The following NELL1 variants were observed in gnomAD, a reference collection of about 807,000 sequenced individuals.
NELL1 encodes the protein protein kinase C-binding protein NELL1.
A neutral mutation model predicts 107.4 loss-of-function variants in NELL1; 76 were observed. The ratio of observed to expected loss-of-function variants is 0.71; its 90% CI spans 0.59 to 0.86. The LOEUF (loss-of-function observed/expected upper bound fraction) is 0.86. NELL1 is among the 40% of genes least tolerant of loss of function. The pLI is 0.00. For synonymous variants in NELL1, 353 were observed against 341.2 expected (o/e 1.03, Z -0.38); for missense variants, 1,024 against 1,005.5 (o/e 1.02, Z -0.25).
intron 5 of NELL1, among the ~76,000 whole-genome samples, chr11:20,894,473 C>T (rs1343561095): frequency 6.6e-6 from 1 of 152,074 alleles, no homozygotes; most frequent in Non-Finnish European, 1.5e-5. Context: ...AAAATGCTAC[C>T]AGGCACTTCA....
At chr11:20,872,656 G>A (rs1352516238) in intron 4 of NELL1, among the ~76,000 whole-genome samples, 7 of 140,760 alleles carry the variant, frequency 5.0e-5, no homozygotes, top group Non-Finnish European at 1.6e-5. Context: ...TGAATGTGGA[G>A]ATGCCAGTGT....
intron 14 of NELL1, among the ~76,000 whole-genome samples, chr11:21,276,291 T>C (rs528990996): frequency 6.6e-6 from 1 of 152,238 alleles, no homozygotes; most frequent in South Asian, 2.1e-4. Flanking sequence ...TGAACTCCCA[T>C]TCACAATTGC....
intron 14 of NELL1, among the ~76,000 whole-genome samples, chr11:21,266,099 T>A (rs975583630): frequency 6.6e-6 from 1 of 152,028 alleles, no homozygotes; most frequent in Non-Finnish European, 1.5e-5. Flanking sequence ...CTAGTCCAGA[T>A]ACGCAGTCAG....
At chr11:21,434,838 T>C (rs1853066923) in intron 15 of NELL1, among the ~76,000 whole-genome samples, 1 of 152,138 alleles carries the variant, frequency 6.6e-6, no homozygotes, top group Admixed American at 6.5e-5. Flanking sequence ...TTTTTTTGTG[T>C]CCTCTTCAAT....
chr11:21,406,032 T>C (rs1440986734), intron 15 of NELL1, among the ~76,000 whole-genome samples: 1 of 151,902 alleles, frequency 6.6e-6, no homozygotes, highest in Non-Finnish European at 1.5e-5. Flanking sequence ...TGTAAGTCCA[T>C]ACACAGATAG....
chr11:21,309,712 A>G (rs188827191), intron 14 of NELL1, among the ~76,000 whole-genome samples: 18 of 152,130 alleles, frequency 1.2e-4, no homozygotes, highest in African/African-American at 4.3e-4. Context: ...GGCAAGGAGG[A>G]GTAAGTCACG....
chr11:21,471,903 A>G (rs931889019), intron 15 of NELL1, among the ~76,000 whole-genome samples: 2 of 152,092 alleles, frequency 1.3e-5, no homozygotes, highest in Non-Finnish European at 2.9e-5. Flanking sequence ...GCTGCAACTG[A>G]TATATAAAAA....
chr11:20,672,399 G>A (rs2133843419), intron 1 of NELL1, among the ~76,000 whole-genome samples: 1 of 152,340 alleles, frequency 6.6e-6, no homozygotes, highest in South Asian at 2.1e-4. Flanking sequence ...TAATGGAACT[G>A]AGTAGATGAT....
chr11:20,826,216 A>G lies in NELL1; in HGVS notation c.336-21367A>G, dbSNP rs570722783. On this transcript the variant is annotated intron_variant, in intron 3 of 19. Transcript: ENST00000357134. ...ATTAGCAGCATGAGAATGGACTAAT[A>G]TAGTAGTCCAGAGTTTATGTGACAA... is the stretch of plus-strand genomic sequence containing the variant. Among the ~76,000 whole-genome samples the G allele has an allele frequency of 2.0e-3, 298 of 151,494 alleles. 4 individuals carry two copies. The highest frequency in any genetic ancestry group is 6.7e-3 in the African/African-American group (277 of 41,498).
At chr11:21,376,786 C>T (rs570026108) in intron 15 of NELL1, among the ~76,000 whole-genome samples, 12 of 151,940 alleles carry the variant, frequency 7.9e-5, no homozygotes, top group East Asian at 7.8e-4. Flanking sequence ...AGATGTATTT[C>T]GAGGTATATT....
chr11:20,701,335 T>C (rs1256336562), intron 2 of NELL1, among the ~76,000 whole-genome samples: 28 of 152,156 alleles, frequency 1.8e-4, no homozygotes, highest in Non-Finnish European at 3.1e-4. Flanking sequence ...TCATATACTT[T>C]GCCCACTTTT....
chr11:20,677,671 A>G (rs755367620), intron 1 of NELL1, among the ~76,000 whole-genome samples: 4 of 152,106 alleles, frequency 2.6e-5, no homozygotes, highest in Non-Finnish European at 5.9e-5. Flanking sequence ...TGAATTCTGA[A>G]CTATATTTAA....
chr11:21,388,362 CTAAT>C (rs2133778827), intron 15 of NELL1, among the ~76,000 whole-genome samples: 1 of 151,832 alleles, frequency 6.6e-6, no homozygotes, highest in African/African-American at 2.4e-5. Context: ...TAGAGAAAGT[CTAAT>C]TAGCAAACAG....
intron 12 of NELL1, among the ~76,000 whole-genome samples, chr11:21,063,973 A>G (rs113699060): frequency 2.0e-4 from 31 of 151,656 alleles, no homozygotes; most frequent in African/African-American, 6.5e-4. Context: ...TTCAGTGTAG[A>G]TCTTCTAGGA....
At chr11:21,004,448 G>C (rs1316388414) in intron 12 of NELL1, among the ~76,000 whole-genome samples, 2 of 152,060 alleles carry the variant, frequency 1.3e-5, no homozygotes, top group Non-Finnish European at 2.9e-5. Context: ...GATTATCACT[G>C]TTTCTATAGG....
At chr11:21,429,243 A>G (rs1852909311) in intron 15 of NELL1, among the ~76,000 whole-genome samples, 2 of 152,230 alleles carry the variant, frequency 1.3e-5, no homozygotes, top group South Asian at 4.1e-4. Flanking sequence ...CTGAAAAGTC[A>G]AAAGTGTTTT....
intron 13 of NELL1, among the ~76,000 whole-genome samples, chr11:21,132,411 T>C (rs905865350): frequency 6.6e-6 from 1 of 152,132 alleles, no homozygotes; most frequent in Non-Finnish European, 1.5e-5. Flanking sequence ...TAGCTTATAC[T>C]ACTGGCTTGG....
intron 2 of NELL1, among the ~76,000 whole-genome samples, chr11:20,738,244 C>T (rs183621186): frequency 1.8e-3 from 272 of 152,150 alleles, no homozygotes; most frequent in Non-Finnish European, 3.3e-3. Context: ...GGATTTTCAT[C>T]AGGTTGAGAG....
In NELL1 at chr11:21,469,182, T is replaced by C. The variant is rs1463534452; in HGVS notation, c.1646-65192T>C. On this transcript the variant is annotated intron_variant, in intron 15 of 19. Transcript: ENST00000357134. ...CCTGCCTACTTTCTATGAAAACACA[T>C]GCATTTGTTTTTCAGGACTAACATA... 5.3e-5 allele frequency among the ~76,000 whole-genome samples: 8 copies of C among 152,062 alleles called. 1 individual carries two copies. The East Asian group carries it at 1.4e-3, about 26-fold the overall frequency.
Sources: allele counts gnomAD v4.1 joint callset (sites outside exome capture counted in the v4.1 genomes callset), GRCh38; gene constraint gnomAD v4.1.1; transcripts MANE v1.5; gene names NCBI Gene and HGNC (gene_info 2026-07-23, HGNC 2026-07-21).